FCSK: variants seen among roughly 807,000 people sequenced by gnomAD.
The protein encoded by FCSK is L-fucose kinase.
A neutral mutation model predicts 122.5 loss-of-function variants in FCSK; 123 were observed. The ratio of observed to expected loss-of-function variants is 1.00; its 90% CI spans 0.87 to 1.17. FCSK has a LOEUF of 1.17. FCSK is among the 50% of genes most tolerant of loss of function. The probability of loss-of-function intolerance (pLI) is 0.00; values close to 1 mark genes in which losing one functional copy is unlikely to be tolerated. For synonymous variants in FCSK, 620 were observed against 625.5 expected (o/e 0.99, Z 0.13); for missense variants, 1,366 against 1,450.4 (o/e 0.94, Z 0.95).
At chr16:70,464,448 T>C (rs1215749825) in intron 3 of FCSK, among the ~76,000 whole-genome samples, 1 of 152,076 alleles carries the variant, frequency 6.6e-6, no homozygotes, top group Non-Finnish European at 1.5e-5. Context: ...GGTCAGGAGT[T>C]GGAGACCAGC....
rs569060403 is a variant in FCSK, at chr16:70,465,151, C to T, written c.260C>T (p.Ser87Leu). The change falls in exon 4 of 24, where the codon TCG (serine) becomes TTG (leucine). Residue 87 changes from serine to leucine, a missense_variant. Ser to Leu is a moderately radical substitution (Grantham distance 145, BLOSUM62 -2). Transcript: ENST00000288078. The stretch of plus-strand genomic sequence containing the variant: ...GTGGTCACATCCGATGTCCTGCACT[C>T]GGCCTGGATCCTCATTCTGCACATG... ...FTVVTSDVLH[S>L]AWILILHMGR... The T allele has an allele frequency of 2.9e-5, 47 of 1,613,498 alleles. No homozygotes were observed. The Middle Eastern group carries it at 1.7e-3, about 57-fold the overall frequency.
At position 70,463,345 on chromosome 16, in the gene FCSK, A is replaced by C. The variant is rs17883115; in HGVS notation, c.82+73A>C. On this transcript the variant is annotated intron_variant, in intron 2 of 23. Coordinates refer to ENST00000288078, the MANE Select transcript of FCSK (RefSeq NM_145059.3). ...CCCTTCCTGGCTATGTCCCTCCAAC[A>C]CCAGGTGCCAGGCCAACCTGGGTTC... 11,463 of 1,350,104 alleles carry C rather than the reference A, an allele frequency of 8.5e-3. 787 individuals are homozygous for C. In the African/African-American group the frequency reaches 0.14, roughly 17 times the overall value. 83.6% of individuals were successfully genotyped at this position (1,350,104 alleles called of 1,614,324 possible).
At chr16:70,475,051 CTGGGGGCTCGGGGCAGA>C in intron 18 of FCSK, 40 bp downstream of exon 18, 1 of 1,530,516 alleles carries the variant, frequency 6.5e-7, no homozygotes, top group African/African-American at 1.4e-5. Context: ...GGCTGGCCAG[CTGGGGGCTCGGGGCAGA>C]AGCTAGAGAC....
intron 1 of FCSK, among the ~76,000 whole-genome samples, chr16:70,462,507 G>A (rs17883827): frequency 1.6e-3 from 248 of 152,296 alleles, no homozygotes; most frequent in African/African-American, 5.5e-3. Flanking sequence ...TGTATTTTTA[G>A]TAGTGAAGAG....
intron 1 of FCSK, among the ~76,000 whole-genome samples, chr16:70,459,222 TTA>T (rs2048185788): frequency 7.6e-6 from 1 of 131,030 alleles, no homozygotes; most frequent in African/African-American, 4.1e-5. Flanking sequence ...GACCCTGTCT[TTA>T]AAAAAAAAAA....
Position 70,464,879 on chromosome 16 carries a change from AAAC to A in FCSK, c.235-233_235-231del, listed in dbSNP as rs570632522. On this transcript the variant is annotated intron_variant, in intron 3 of 23. Coordinates refer to ENST00000288078, the MANE Select transcript of FCSK (RefSeq NM_145059.3). ...GGTGACAGAGTGAGACCCTGTCTCAAAACAACAACAACAACAGCAACAAACCAG... is the reference window on the plus strand; with the variant it reads ...GGTGACAGAGTGAGACCCTGTCTCAAAACAACAACAACAGCAACAAACCAG... 634 of 712,578 alleles carry A rather than the reference AAAC, an allele frequency of 8.9e-4. 3 individuals carry two copies. Among genetic ancestry groups the A allele is most frequent in the South Asian group, 5.7e-3 (298 of 52,240 alleles). The allele number at this position is 712,578 out of a possible 1,614,324, so 44.1% of individuals were successfully genotyped here.
Position 70,473,195 on chromosome 16 carries a change from C to T in FCSK, c.1619C>T (p.Ala540Val), listed in dbSNP as rs763725071. The change falls in exon 15 of 24, where the codon GCT (alanine) becomes GTT (valine). Residue 540 changes from alanine to valine, a missense_variant. Coordinates refer to ENST00000288078, the MANE Select transcript of FCSK (RefSeq NM_145059.3). The surrounding 1 kb of genome is among the most constrained non-coding windows in gnomAD (Gnocchi z 4.9). ...WEQLQPCLDR[A>V]ATLASRRDLF... ...CAGCTGCAGCCGTGCCTGGATCGGG[C>T]TGCCACGCTGGCCTCTCGCCGGGAC... 1.4e-5 allele frequency: 21 copies of T among 1,538,378 alleles called. No individual in the cohort carries two copies. Among genetic ancestry groups the T allele is most frequent in the Non-Finnish European group, 8.7e-7 (1 of 1,146,412 alleles).
At chr16:70,464,143 G>A (rs2048346101) in intron 3 of FCSK, among the ~76,000 whole-genome samples, 1 of 152,164 alleles carries the variant, frequency 6.6e-6, no homozygotes, top group African/African-American at 2.4e-5. Context: ...ATCCCTGCTG[G>A]TCCCGTGTCT....
In FCSK at chr16:70,473,895, C is replaced by G. The variant is rs2048711582; in HGVS notation, c.1778-234C>G. ...AGCCCAGAGCCTGAGCTCTTCACCA[C>G]TATGGGTGTCCTGGGTGGGGGTGAA... On this transcript the variant is annotated intron_variant, in intron 15 of 23. Transcript: ENST00000288078. This position sits in a 1 kb window ranked among gnomAD's most constrained non-coding sequence, Gnocchi z 4.9. 6.6e-6 allele frequency among the ~76,000 whole-genome samples: 1 copy of G among 152,176 alleles called. No individual in the cohort carries two copies. The highest frequency in any genetic ancestry group is 1.5e-5 in the Non-Finnish European group (1 of 68,018).
Position 70,479,650 on chromosome 16 carries a change from C to G in FCSK, c.3225C>G (p.Thr1075=), listed in dbSNP as rs199905558. 2 of 1,614,018 alleles carry G rather than the reference C, an allele frequency of 1.2e-6. No homozygotes were observed. Among genetic ancestry groups the G allele is most frequent in the Non-Finnish European group, 1.7e-6 (2 of 1,179,948 alleles). The part of the protein sequence containing the change: ...TQGLSLKLLG[T]EASTCCPFP ...GCCTGAGCCTGAAGCTGCTGGGGACCGAGGCCTCAACCTGTTGCCCTTTCC... is the reference window on the plus strand; with the variant it reads ...GCCTGAGCCTGAAGCTGCTGGGGACGGAGGCCTCAACCTGTTGCCCTTTCC... Residue 1075 remains threonine, a synonymous_variant, in exon 24 of 24, where the codon ACC becomes ACG. Transcript: ENST00000288078.
intron 18 of FCSK, among the ~76,000 whole-genome samples, 162 bp downstream of exon 18, chr16:70,475,173 C>T (rs890231989): frequency 3.3e-5 from 5 of 152,196 alleles, no homozygotes; most frequent in African/African-American, 4.8e-5. Context: ...AAAGATGACA[C>T]GTGTCCCTGT....
Position 70,464,967 on chromosome 16 carries a change from G to A in FCSK, c.235-159G>A, listed in dbSNP as rs2048372458. On this transcript the variant is annotated intron_variant, in intron 3 of 23. Coordinates refer to ENST00000288078, the MANE Select transcript of FCSK (RefSeq NM_145059.3). ...GATCCCTTATCCAGGAGGGACCAGG[G>A]CTGCCCCTTGTCTGCCTGTGGCCAT... The A allele has an allele frequency of 2.6e-6, 4 of 1,511,932 alleles. No homozygotes were observed. In the Middle Eastern group the frequency reaches 5.1e-4, roughly 193 times the overall value. The allele number at this position is 1,511,932 out of a possible 1,614,324, so 93.7% of individuals were successfully genotyped here. A position where few individuals can be genotyped will look rare whatever the true frequency, so the allele number is the denominator to read the frequency against.
chr16:70,461,907 C>T (rs921256792), intron 1 of FCSK, among the ~76,000 whole-genome samples: 4 of 152,188 alleles, frequency 2.6e-5, no homozygotes, highest in Admixed American at 2.0e-4. Context: ...TCTGTTCACA[C>T]GAACCTATCT....
intron 10 of FCSK, among the ~76,000 whole-genome samples, chr16:70,469,776 G>T (rs1023496930): frequency 1.3e-5 from 2 of 151,472 alleles, no homozygotes; most frequent in African/African-American, 4.9e-5. Context: ...CAGGTGACCC[G>T]CCTGCCTTGG....
intron 1 of FCSK, among the ~76,000 whole-genome samples, chr16:70,458,455 C>T (rs1311095929): frequency 4.1e-5 from 6 of 148,120 alleles, no homozygotes; most frequent in Non-Finnish European, 6.0e-5. Flanking sequence ...CCACCATGCC[C>T]GGCCTATTAA....
chr16:70,475,255 A>T, intron 18 of FCSK, 95 bp from the exon 19 acceptor site: 1 of 1,440,590 alleles, frequency 6.9e-7, no homozygotes, highest in Non-Finnish European at 9.5e-7. Flanking sequence ...GTCCCACCGG[A>T]TGAGTCCCGC....
chr16:70,474,378 C>T (rs748597441), intron 16 of FCSK, 39 bp downstream of exon 16: 7 of 1,598,398 alleles, frequency 4.4e-6, no homozygotes, highest in Non-Finnish European at 6.0e-6. Flanking sequence ...GGATAAGCCC[C>T]TTGCTGTCTG....
At chr16:70,458,859 T>C (rs1468845386) in intron 1 of FCSK, among the ~76,000 whole-genome samples, 2 of 152,190 alleles carry the variant, frequency 1.3e-5, no homozygotes, top group Non-Finnish European at 2.9e-5. Flanking sequence ...CCTCCTTTTG[T>C]ACTTCAGCTC....
chr16:70,475,805 A>C (rs779315530), intron 20 of FCSK, 38 bp downstream of exon 20: 1 of 1,520,868 alleles, frequency 6.6e-7, no homozygotes, highest in Non-Finnish European at 8.8e-7. Flanking sequence ...GGTCACTGAC[A>C]CTTTCCCAAG....
Sources: gnomAD v4.1 joint callset for allele counts (sites outside exome capture counted in the v4.1 genomes callset) on GRCh38, gnomAD v4.1.1 for gene constraint, Gnocchi (gnomAD v3.1) non-coding constraint, MANE v1.5 for transcripts, NCBI Gene and HGNC (gene_info 2026-07-23, HGNC 2026-07-21) for gene names.